Variants in DIAPH2 observed in about 807,000 individuals in gnomAD.
DIAPH2 encodes protein diaphanous homolog 2.
A neutral mutation model predicts 92.7 loss-of-function variants in DIAPH2; 35 were observed. The observed-to-expected ratio is 0.38, with a 90% confidence interval of 0.29 to 0.50. The LOEUF (loss-of-function observed/expected upper bound fraction) is 0.50, where lower values mean the gene tolerates loss of function less well. DIAPH2 is among the 20% of genes least tolerant of loss of function. The pLI is 0.94. For missense variants in DIAPH2, 701 were observed against 819.5 expected (o/e 0.86, Z 1.77); for synonymous variants, 301 against 280.4 (o/e 1.07, Z -0.73).
chrX:96,972,411 A>T (rs144094468), intron 17 of DIAPH2, among the ~76,000 whole-genome samples: 3,567 of 112,056 alleles, frequency 0.032, 162 homozygotes, highest in African/African-American at 0.11. Context: ...AGTTTTAGAG[A>T]AAATTATTTT....
At chrX:97,307,923 AAAAG>A (rs1166897949) in intron 23 of DIAPH2, among the ~76,000 whole-genome samples, 1 of 108,667 alleles carries the variant, frequency 9.2e-6, no homozygotes, top group Non-Finnish European at 1.9e-5. Flanking sequence ...AAAAAAAAAA[AAAAG>A]AAAAAGAAAA....
intron 10 of DIAPH2, among the ~76,000 whole-genome samples, chrX:96,936,580 G>A (rs1364728725): frequency 9.0e-6 from 1 of 111,436 alleles, no homozygotes; most frequent in African/African-American, 3.3e-5. Context: ...AATTATCAGA[G>A]GTTTGTAATG....
At chrX:97,412,367 C>A (rs1039139992) in intron 25 of DIAPH2, among the ~76,000 whole-genome samples, 1 of 111,959 alleles carries the variant, frequency 8.9e-6, no homozygotes, top group African/African-American at 3.2e-5. Context: ...AGAACAAAGG[C>A]ACAACATACA....
At chrX:97,593,454 A>G (rs1289960559) in intron 26 of DIAPH2, among the ~76,000 whole-genome samples, 1 of 110,619 alleles carries the variant, frequency 9.0e-6, no homozygotes, top group Non-Finnish European at 1.9e-5. Context: ...AAAATGAATT[A>G]TAGATAATTT....
intron 26 of DIAPH2, among the ~76,000 whole-genome samples, chrX:97,500,950 T>C (rs1158772710): frequency 1.8e-5 from 2 of 108,677 alleles, no homozygotes; most frequent in Non-Finnish European, 3.8e-5. Flanking sequence ...TGCTTTTTAT[T>C]CCAACCTTCC....
chrX:97,306,711 G>A (rs1436641341), intron 23 of DIAPH2, among the ~76,000 whole-genome samples: 1 of 111,089 alleles, frequency 9.0e-6, no homozygotes, highest in Non-Finnish European at 1.9e-5. Flanking sequence ...TGTTTTTGGA[G>A]GGCCACAGTA....
rs190725621 is a variant in DIAPH2, at chrX:97,274,702, C to T, written c.2844+26863C>T. Among the ~76,000 whole-genome samples, 585 of 105,767 alleles carry T rather than the reference C, an allele frequency of 5.5e-3. 1 individual carries two copies. The highest frequency in any genetic ancestry group is 0.019 in the African/African-American group (553 of 28,875). 91.8% of individuals were successfully genotyped at this position (105,767 alleles called of 115,157 possible). A position where few individuals can be genotyped will look rare whatever the true frequency, so the allele number is the denominator to read the frequency against. The stretch of plus-strand genomic sequence containing the variant: ...GTGTTTCTCGTATAGGGGGATTTGG[C>T]AGGGTCATAGGACAATAGTGGAGGG... On this transcript the variant is annotated intron_variant, in intron 23 of 26. Transcript: ENST00000324765.
chrX:97,144,159 G>T (rs1308133247), intron 22 of DIAPH2, among the ~76,000 whole-genome samples: 1 of 111,007 alleles, frequency 9.0e-6, no homozygotes, highest in Non-Finnish European at 1.9e-5. Context: ...AGACCAGCCT[G>T]GGCAGCATAG....
intron 17 of DIAPH2, among the ~76,000 whole-genome samples, chrX:97,061,633 C>T (rs995615900): frequency 4.7e-5 from 5 of 107,207 alleles, no homozygotes; most frequent in African/African-American, 1.4e-4. Flanking sequence ...ATGGTGAAAC[C>T]CCATCTCTAC....
chrX:96,837,433 C>CTCTG (rs1189132418), intron 4 of DIAPH2, among the ~76,000 whole-genome samples: 1,904 of 41,143 alleles, frequency 0.046, 32 homozygotes, highest in African/African-American at 0.057. Flanking sequence ...CTCTCTCTCT[C>CTCTG]TGTGTGTGTG....
At chrX:97,060,996 G>GCA (rs10636024) in intron 17 of DIAPH2, among the ~76,000 whole-genome samples, 53,438 of 109,131 alleles carry the variant, frequency 0.49, 9,651 homozygotes, top group Middle Eastern at 0.56. Flanking sequence ...ACGTGCGCAT[G>GCA]CACACACACA....
chrX:97,349,976 T>A (rs948751908), intron 24 of DIAPH2, among the ~76,000 whole-genome samples: 4 of 111,487 alleles, frequency 3.6e-5, no homozygotes, highest in Non-Finnish European at 7.5e-5. Context: ...AATCCAATAA[T>A]TTTTTTTGTA....
intron 15 of DIAPH2, among the ~76,000 whole-genome samples, chrX:96,950,494 CT>C (rs2065767488): frequency 8.9e-6 from 1 of 111,785 alleles, no homozygotes; most frequent in African/African-American, 3.3e-5. Flanking sequence ...GCCCCACCCA[CT>C]GACAAATTAA....
intron 17 of DIAPH2, among the ~76,000 whole-genome samples, chrX:96,965,865 A>G (rs1166070033): frequency 9.0e-6 from 1 of 111,142 alleles, no homozygotes; most frequent in African/African-American, 3.3e-5. Flanking sequence ...TGGTTCATTA[A>G]TTTTTGGTAT....
intron 23 of DIAPH2, among the ~76,000 whole-genome samples, chrX:97,329,711 C>G (rs977773177): frequency 9.0e-6 from 1 of 110,892 alleles, no homozygotes; most frequent in African/African-American, 3.3e-5. Flanking sequence ...ATGGTTGGCT[C>G]AATCATAGAA....
At chrX:97,228,060 T>C (rs979413703) in intron 22 of DIAPH2, among the ~76,000 whole-genome samples, 1 of 110,683 alleles carries the variant, frequency 9.0e-6, no homozygotes, top group African/African-American at 3.3e-5. Context: ...GCCATTATGC[T>C]ATGCTAATTT....
chrX:96,854,699 G>A (rs2065029165), intron 4 of DIAPH2, among the ~76,000 whole-genome samples: 1 of 98,638 alleles, frequency 1.0e-5, no homozygotes, highest in African/African-American at 3.7e-5. Context: ...CCTATACAGT[G>A]TGGATACACT....
chrX:96,940,368 T>C (rs2065696799), intron 12 of DIAPH2, among the ~76,000 whole-genome samples: 1 of 111,999 alleles, frequency 8.9e-6, no homozygotes, highest in East Asian at 2.8e-4. Context: ...ACTGGGAATA[T>C]ATCGGAAAAC....
At chrX:97,112,453 G>A (rs2066986657) in intron 20 of DIAPH2, among the ~76,000 whole-genome samples, 1 of 111,082 alleles carries the variant, frequency 9.0e-6, no homozygotes, top group African/African-American at 3.3e-5. Context: ...AAGTGGGGAG[G>A]GATTTGGAGA....
Sources: gnomAD v4.1 joint callset for allele counts (sites outside exome capture counted in the v4.1 genomes callset) on GRCh38, gnomAD v4.1.1 for gene constraint, MANE v1.5 for transcripts, NCBI Gene and HGNC (gene_info 2026-07-23, HGNC 2026-07-21) for gene names.